The following CPNE1 variants were observed in gnomAD, a reference collection of about 807,000 sequenced individuals.
CPNE1 encodes the protein copine 1, also known as copine-1.
Under a neutral mutation model 63.2 loss-of-function variants are expected in CPNE1, and 58 were observed. That is an observed-to-expected ratio of 0.92 (90% CI 0.74 to 1.14). The LOEUF (loss-of-function observed/expected upper bound fraction) is 1.14. Ranked by LOEUF, CPNE1 falls within the 50% of genes most tolerant of loss-of-function variation. The probability of loss-of-function intolerance (pLI) is 0.00; values close to 1 mark genes in which losing one functional copy is unlikely to be tolerated. For synonymous variants in CPNE1, 237 were observed against 249.0 expected (o/e 0.95, Z 0.45); for missense variants, 672 against 661.7 (o/e 1.02, Z -0.17).
chr20:35,658,734 T>G (rs960838287), intron 1 of CPNE1, among the ~76,000 whole-genome samples: 1 of 151,776 alleles, frequency 6.6e-6, no homozygotes, highest in Non-Finnish European at 1.5e-5. Flanking sequence ...CACTCCAGCC[T>G]GGGCAACAGA....
intron 1 of CPNE1, among the ~76,000 whole-genome samples, chr20:35,642,058 T>C (rs183007926): frequency 5.9e-5 from 9 of 152,342 alleles, no homozygotes; most frequent in Non-Finnish European, 7.4e-5. Flanking sequence ...CTACTGTCGA[T>C]AGGGAATCCC....
chr20:35,661,704 T>TA (rs1379317062), intron 1 of CPNE1, among the ~76,000 whole-genome samples: 1 of 152,236 alleles, frequency 6.6e-6, no homozygotes, highest in Non-Finnish European at 1.5e-5. Flanking sequence ...CTAGCCATTC[T>TA]AATCACTTGG....
chr20:35,655,676 A>G (rs969158840), intron 1 of CPNE1, among the ~76,000 whole-genome samples: 7 of 152,232 alleles, frequency 4.6e-5, no homozygotes, highest in Non-Finnish European at 8.8e-5. Context: ...AGAAATGTCT[A>G]AGTCAAATCA....
intron 9 of CPNE1, 28 bp from the exon 10 acceptor site, chr20:35,631,201 G>A (rs1490721570): frequency 6.2e-7 from 1 of 1,613,798 alleles, no homozygotes; most frequent in Non-Finnish European, 8.5e-7. Context: ...GTCATGCCTG[G>A]GGTGATAGCA....
chr20:35,636,642 C>G (rs187773862), intron 1 of CPNE1, among the ~76,000 whole-genome samples: 98 of 152,248 alleles, frequency 6.4e-4, no homozygotes, highest in African/African-American at 2.1e-3. Context: ...ACCAAAAATA[C>G]AAATATCAGC....
chr20:35,650,273 C>T (rs765102716), intron 1 of CPNE1: 1 of 152,124 alleles, frequency 6.6e-6, no homozygotes, highest in African/African-American at 2.4e-5. Context: ...ACAATGAAAT[C>T]GTTTTCCTTT....
chr20:35,639,772 G>A (rs532820332), intron 1 of CPNE1, among the ~76,000 whole-genome samples: 6 of 152,320 alleles, frequency 3.9e-5, no homozygotes, highest in African/African-American at 1.2e-4. Flanking sequence ...CTCACTCCAC[G>A]ACTTCTCAAA....
chr20:35,636,039 C>T (rs1417368329), intron 1 of CPNE1, among the ~76,000 whole-genome samples: 2 of 152,348 alleles, frequency 1.3e-5, no homozygotes, highest in East Asian at 1.9e-4. Context: ...TCTTCCCCAG[C>T]CTAGGGCTCC....
At chr20:35,636,212 T>TC (rs1184369229) in intron 1 of CPNE1, among the ~76,000 whole-genome samples, 2 of 152,124 alleles carry the variant, frequency 1.3e-5, no homozygotes, top group African/African-American at 4.8e-5. Flanking sequence ...CCTTGGGGGT[T>TC]CCCCAAGGAC....
At position 35,632,689 on chromosome 20, in the gene CPNE1, C is replaced by T. The variant is rs148114662; in HGVS notation, c.137G>A (p.Arg46Gln). 1.7e-5 allele frequency: 17 copies of T among 1,029,598 alleles called. No homozygotes were observed. Among genetic ancestry groups the T allele is most frequent in the Middle Eastern group, 2.0e-4 (1 of 4,916 alleles). The allele number at this position is 1,029,598 out of a possible 1,614,324, so 63.8% of individuals were successfully genotyped here. Residue 46 changes from arginine to glutamine, a missense_variant, in exon 3 of 16, where the codon CGG (arginine) becomes CAG (glutamine). Transcript: ENST00000397443. The part of the protein sequence containing the change: ...VGGGSWAELG[R>Q]TERVRNCSSP... ...TGAGCAGTTCCGCACCCGTTCAGTC[C>T]GGCCAAGCTGTGGGCAGAGGCCAGT...
At chr20:35,643,115 G>A (rs1441279674) in intron 1 of CPNE1, 1 of 153,298 alleles carries the variant, frequency 6.5e-6, no homozygotes, top group East Asian at 1.9e-4. Context: ...GAAGCAAACT[G>A]AGGAGGACTA....
In CPNE1 at chr20:35,631,031, C is replaced by T; in HGVS notation, c.865G>A (p.Gly289Ser). The change falls in exon 11 of 16, where the codon GGC becomes AGC. Residue 289 changes from glycine to serine, a missense_variant. Gly to Ser is a moderately conservative substitution (Grantham distance 56, BLOSUM62 0). Transcript: ENST00000397443. ...MGGCQINFTV[G>S]VDFTGSNGDP... Reference sequence around the variant, plus strand: ...CCATTGGAGCCAGTGAAGTCCACGCCCACCTGGGAGGAGGTGAGGAAGGCA... The same window carrying T: ...CCATTGGAGCCAGTGAAGTCCACGCTCACCTGGGAGGAGGTGAGGAAGGCA... 6.2e-7 allele frequency: 1 copy of T among 1,613,900 alleles called. No homozygotes were observed. Among genetic ancestry groups the T allele is most frequent in the Non-Finnish European group, 8.5e-7 (1 of 1,179,946 alleles).
intron 1 of CPNE1, among the ~76,000 whole-genome samples, chr20:35,638,993 G>A (rs755356261): frequency 2.0e-5 from 3 of 151,150 alleles, no homozygotes; most frequent in South Asian, 2.1e-4. Context: ...AAAGGGAAAC[G>A]TTCTTAGCAT....
At chr20:35,630,331 C>A in intron 13 of CPNE1, 108 bp downstream of exon 13, 1 of 821,500 alleles carries the variant, frequency 1.2e-6, no homozygotes, top group South Asian at 1.6e-5. Flanking sequence ...TAAAATCCAC[C>A]CTCTGGACAA....
At chr20:35,649,772 A>G (rs1429785998) in intron 1 of CPNE1, 3 of 152,396 alleles carry the variant, frequency 2.0e-5, no homozygotes, top group Admixed American at 2.0e-4. Context: ...AAAAAAAATC[A>G]GAAGGGAGAG....
At chr20:35,654,393 T>C (rs746618281) in intron 1 of CPNE1, 34 of 1,614,096 alleles carry the variant, frequency 2.1e-5, no homozygotes, top group East Asian at 2.0e-4. Context: ...AAAAGGGCAT[T>C]CCATGCACAC....
chr20:35,626,454 C>T (rs949543920), intron 15 of CPNE1, 73 bp from the exon 16 acceptor site: 230 of 1,598,148 alleles, frequency 1.4e-4, no homozygotes, highest in Non-Finnish European at 2.1e-5. Context: ...GCTCAAGAAC[C>T]CAACCATATC....
At chr20:35,643,769 T>C (rs2146314674) in intron 1 of CPNE1, among the ~76,000 whole-genome samples, 1 of 152,202 alleles carries the variant, frequency 6.6e-6, no homozygotes, top group Admixed American at 6.5e-5. Flanking sequence ...CAGGTCCCCC[T>C]CTGCAATCAT....
At chr20:35,661,378 C>T (rs1373968818) in intron 1 of CPNE1, among the ~76,000 whole-genome samples, 1 of 152,162 alleles carries the variant, frequency 6.6e-6, no homozygotes, top group Non-Finnish European at 1.5e-5. Flanking sequence ...TTACCTAAAG[C>T]TTTGCTGAAC....
Sources: allele counts gnomAD v4.1 joint callset (sites outside exome capture counted in the v4.1 genomes callset), GRCh38; gene constraint gnomAD v4.1.1; transcripts MANE v1.5; gene names NCBI Gene and HGNC (gene_info 2026-07-23, HGNC 2026-07-21).